Variants in BTBD9 observed in about 807,000 individuals in gnomAD.
BTBD9 encodes the protein BTB/POZ domain-containing protein 9.
Under a neutral mutation model 64.3 loss-of-function variants are expected in BTBD9, and 49 were observed. That is an observed-to-expected ratio of 0.76 (90% CI 0.61 to 0.97). The LOEUF (loss-of-function observed/expected upper bound fraction) is 0.97. Among genes scored for constraint, BTBD9 ranks in the 50% least tolerant of loss-of-function variants. The pLI is 0.00. For synonymous variants in BTBD9, 260 were observed against 274.7 expected, an observed-to-expected ratio of 0.95 and a Z score of 0.53; for missense variants, 598 against 762.1, an observed-to-expected ratio of 0.78 and a Z score of 2.53.
chr6:38,434,889 T>C (rs1768639664), intron 6 of BTBD9, among the ~76,000 whole-genome samples: 1 of 151,796 alleles, frequency 6.6e-6, no homozygotes, highest in Non-Finnish European at 1.5e-5. Flanking sequence ...GATGTTCAAG[T>C]CCCTTATATG....
At chr6:38,274,716 C>A (rs1002745894) in intron 8 of BTBD9, among the ~76,000 whole-genome samples, 1 of 152,018 alleles carries the variant, frequency 6.6e-6, no homozygotes, top group African/African-American at 2.4e-5. Flanking sequence ...GCCTTGCATC[C>A]CAGGGATGAA....
chr6:38,229,171 C>T (rs1333218152), intron 9 of BTBD9, among the ~76,000 whole-genome samples: 1 of 148,366 alleles, frequency 6.7e-6, no homozygotes, highest in East Asian at 2.0e-4. Context: ...GCACTCCAGC[C>T]TGGTGACAGA....
chr6:38,426,338 A>T (rs1768146321), intron 6 of BTBD9, among the ~76,000 whole-genome samples: 1 of 152,128 alleles, frequency 6.6e-6, no homozygotes, highest in East Asian at 1.9e-4. Flanking sequence ...ATTGCCTGAC[A>T]GCACGGCGGG....
intron 6 of BTBD9, among the ~76,000 whole-genome samples, chr6:38,539,808 A>T (rs1774187115): frequency 1.3e-5 from 2 of 152,218 alleles, no homozygotes; most frequent in African/African-American, 4.8e-5. Context: ...TACAGGTGTT[A>T]AAAATAACAT....
intron 6 of BTBD9, among the ~76,000 whole-genome samples, chr6:38,383,352 A>AG (rs1766017670): frequency 6.6e-6 from 1 of 152,234 alleles, no homozygotes; most frequent in Admixed American, 6.5e-5. Context: ...CAGGAATATA[A>AG]GGCAATTTTC....
At chr6:38,499,307 T>A (rs1772093242) in intron 6 of BTBD9, among the ~76,000 whole-genome samples, 1 of 152,190 alleles carries the variant, frequency 6.6e-6, no homozygotes, top group Non-Finnish European at 1.5e-5. Flanking sequence ...TGTGATCACA[T>A]GCATTTCTCT....
intron 7 of BTBD9, among the ~76,000 whole-genome samples, chr6:38,305,866 T>C (rs1231215527): frequency 6.6e-6 from 1 of 152,234 alleles, no homozygotes; most frequent in African/African-American, 2.4e-5. Flanking sequence ...TGACAGAAGA[T>C]GTTTGTATCA....
At chr6:38,592,097 C>T (rs970971678) in intron 4 of BTBD9, among the ~76,000 whole-genome samples, 2 of 151,598 alleles carry the variant, frequency 1.3e-5, no homozygotes. Flanking sequence ...GCAGGAGAAC[C>T]GCTTGAACCT....
intron 7 of BTBD9, among the ~76,000 whole-genome samples, chr6:38,328,755 G>C (rs899904084): frequency 6.6e-6 from 1 of 151,952 alleles, no homozygotes; most frequent in Non-Finnish European, 1.5e-5. Context: ...AGAACATCCT[G>C]GCTAACATGG....
At chr6:38,257,860 G>C (rs1305142232) in intron 8 of BTBD9, among the ~76,000 whole-genome samples, 1 of 151,938 alleles carries the variant, frequency 6.6e-6, no homozygotes, top group East Asian at 1.9e-4. Flanking sequence ...TAGAATACTG[G>C]AAAAGTGCTA....
chr6:38,288,820 G>A (rs760350448), intron 7 of BTBD9, among the ~76,000 whole-genome samples: 27 of 152,038 alleles, frequency 1.8e-4, no homozygotes, highest in Admixed American at 5.2e-4. Context: ...CCAGCTACTC[G>A]GGAGGCCGAG....
At chr6:38,284,933 C>G (rs1459581167) in intron 8 of BTBD9, among the ~76,000 whole-genome samples, 1 of 151,698 alleles carries the variant, frequency 6.6e-6, no homozygotes, top group Non-Finnish European at 1.5e-5. Flanking sequence ...AGGGTGGAAC[C>G]CATGTGCAAT....
intron 6 of BTBD9, among the ~76,000 whole-genome samples, chr6:38,522,429 A>G (rs1164541502): frequency 2.0e-5 from 3 of 152,196 alleles, no homozygotes; most frequent in African/African-American, 4.8e-5. Flanking sequence ...CAGATTCAAT[A>G]ACTATTTTAG....
chr6:38,580,496 G>GA (rs1776237905), intron 4 of BTBD9, 59 bp from the exon 5 acceptor site: 2 of 1,409,212 alleles, frequency 1.4e-6, no homozygotes, highest in Non-Finnish European at 2.0e-6. Context: ...TGTATTTTTT[G>GA]AAAAAAATAC....
At chr6:38,426,880 C>T (rs1768184981) in intron 6 of BTBD9, among the ~76,000 whole-genome samples, 3 of 151,828 alleles carry the variant, frequency 2.0e-5, no homozygotes, top group Admixed American at 1.3e-4. Context: ...ATCTTGGAAG[C>T]TCTGTGAGCA....
chr6:38,519,897 C>T (rs1192283139), intron 6 of BTBD9, among the ~76,000 whole-genome samples: 1 of 152,058 alleles, frequency 6.6e-6, no homozygotes, highest in African/African-American at 2.4e-5. Flanking sequence ...TAGCCTAAGG[C>T]AATAATAAGC....
At chr6:38,351,603 G>C (rs537055639) in intron 6 of BTBD9, among the ~76,000 whole-genome samples, 31 of 138,124 alleles carry the variant, frequency 2.2e-4, no homozygotes, top group Non-Finnish European at 2.6e-4. Flanking sequence ...CTGGGTTCAC[G>C]CCATTTTCCT....
chr6:38,552,686 G>A (rs1483873628), intron 6 of BTBD9, among the ~76,000 whole-genome samples: 1 of 151,084 alleles, frequency 6.6e-6, no homozygotes, highest in African/African-American at 2.4e-5. Flanking sequence ...AGAATTGCTT[G>A]AACCCAGGAG....
At chr6:38,542,135 A>G (rs1774307815) in intron 6 of BTBD9, among the ~76,000 whole-genome samples, 1 of 152,096 alleles carries the variant, frequency 6.6e-6, no homozygotes, top group African/African-American at 2.4e-5. Flanking sequence ...AACAACCTAC[A>G]TGTCAGTAAC....
Sources: gnomAD v4.1 joint callset for allele counts (sites outside exome capture counted in the v4.1 genomes callset) on GRCh38, gnomAD v4.1.1 for gene constraint, MANE v1.5 for transcripts, NCBI Gene and HGNC (gene_info 2026-07-23, HGNC 2026-07-21) for gene names.